SPIDR: variants seen among roughly 807,000 people sequenced by gnomAD.
SPIDR encodes DNA repair-scaffolding protein.
Under a neutral mutation model 104.6 loss-of-function variants are expected in SPIDR, and 93 were observed. The ratio of observed to expected loss-of-function variants is 0.89; its 90% CI spans 0.75 to 1.06. The LOEUF is 1.06. Among genes scored for constraint, SPIDR ranks in the 50% least tolerant of loss-of-function variants. The probability of loss-of-function intolerance (pLI) is 0.00; values close to 1 mark genes in which losing one functional copy is unlikely to be tolerated. For missense variants in SPIDR, 1,154 were observed against 1,111.2 expected, an observed-to-expected ratio of 1.04 and a Z score of -0.55; for synonymous variants, 431 against 416.9, an observed-to-expected ratio of 1.03 and a Z score of -0.41.
intron 16 of SPIDR, among the ~76,000 whole-genome samples, chr8:47,724,496 T>G (rs1278555808): frequency 6.6e-6 from 1 of 152,140 alleles, no homozygotes; most frequent in Non-Finnish European, 1.5e-5. Context: ...TCAGATTTGC[T>G]CTGTTCTGCT....
chr8:47,276,218 T>C (rs1487513253), intron 1 of SPIDR, among the ~76,000 whole-genome samples: 1 of 152,212 alleles, frequency 6.6e-6, no homozygotes, highest in East Asian at 1.9e-4. Flanking sequence ...TAGACACACA[T>C]GAATAATTTA....
chr8:47,625,021 T>G (rs1016768126), intron 10 of SPIDR, among the ~76,000 whole-genome samples: 2 of 152,096 alleles, frequency 1.3e-5, no homozygotes, highest in Non-Finnish European at 2.9e-5. Flanking sequence ...CAGCAGCACC[T>G]CAAAAAGCTT....
Position 47,449,011 on chromosome 8 carries a change from C to T in SPIDR, c.1097+8469C>T, listed in dbSNP as rs529225461. Among the ~76,000 whole-genome samples the T allele has an allele frequency of 5.3e-5, 8 of 151,948 alleles. No individual in the cohort carries two copies. The South Asian group carries it at 1.5e-3, about 28-fold the overall frequency. On this transcript the variant is annotated intron_variant, in intron 8 of 19. Transcript: ENST00000297423. ...GAGAGACATTATGATCTGATTCACC[C>T]TTTAAAGTCTGTGGAGGATGACTGG...
chr8:47,489,521 C>G (rs540694118), intron 8 of SPIDR, among the ~76,000 whole-genome samples: 1 of 152,218 alleles, frequency 6.6e-6, no homozygotes, highest in South Asian at 2.1e-4. Context: ...TCCTATGGAA[C>G]CAAAAAAGAG....
rs528167807 is a variant in SPIDR at position 47,510,469 on chromosome 8, AT to A, written c.1097+69936del. 3.4e-4 allele frequency among the ~76,000 whole-genome samples: 52 copies of A among 150,986 alleles called. No individual in the cohort carries two copies. The Middle Eastern group carries it at 0.01, about 30-fold the overall frequency. ...CATAAAAAAATTATGTGCATAAAGCATTTTTTTTTGCAATAGAACTCTTCTC... is the reference window on the plus strand; with the variant it reads ...CATAAAAAAATTATGTGCATAAAGCATTTTTTTTGCAATAGAACTCTTCTC... On this transcript the variant is annotated intron_variant, in intron 8 of 19. Transcript: ENST00000297423.
intron 10 of SPIDR, among the ~76,000 whole-genome samples, chr8:47,645,485 T>C (rs759689389): frequency 9.9e-5 from 15 of 152,038 alleles, no homozygotes; most frequent in Non-Finnish European, 2.1e-4. Context: ...TCAAATTGGA[T>C]ATGCGCTTAC....
intron 5 of SPIDR, among the ~76,000 whole-genome samples, chr8:47,314,257 A>G (rs1289341828): frequency 1.3e-5 from 2 of 152,224 alleles, no homozygotes; most frequent in Non-Finnish European, 2.9e-5. Flanking sequence ...AAAGAAAAAA[A>G]TGCAAAGAGG....
chr8:47,515,772 CTG>C (rs777784185), intron 8 of SPIDR, among the ~76,000 whole-genome samples: 162 of 152,318 alleles, frequency 1.1e-3, no homozygotes, highest in Middle Eastern at 6.8e-3. Flanking sequence ...TACATTTCCT[CTG>C]TAAGCTTTTG....
intron 16 of SPIDR, among the ~76,000 whole-genome samples, chr8:47,722,955 C>A (rs1183080430): frequency 6.6e-6 from 1 of 152,162 alleles, no homozygotes; most frequent in Non-Finnish European, 1.5e-5. Context: ...ACTCCCACGT[C>A]AGCCTCCCGA....
intron 5 of SPIDR, among the ~76,000 whole-genome samples, chr8:47,315,041 C>T (rs34506397): frequency 0.19 from 29,077 of 151,880 alleles, 3,230 homozygotes; most frequent in South Asian, 0.42. Flanking sequence ...TAAAGAAGGG[C>T]ATTTCATAGT....
rs367864171 is a variant in SPIDR at position 47,461,405 on chromosome 8, G to A, written c.1097+20863G>A. Among the ~76,000 whole-genome samples, 63 of 152,070 alleles carry A rather than the reference G, an allele frequency of 4.1e-4. 1 individual carries two copies. Among genetic ancestry groups the A allele is most frequent in the Middle Eastern group, 3.4e-3 (1 of 294 alleles). ...AGTGGCACAATCTCGGCTCACTCCC[G>A]GATTCAAGCGATTCTCCTGCCTCAG... is the stretch of plus-strand genomic sequence containing the variant. On this transcript the variant is annotated intron_variant, in intron 8 of 19. Transcript: ENST00000297423.
At chr8:47,269,237 A>G (rs1243015242) in intron 1 of SPIDR, among the ~76,000 whole-genome samples, 1 of 141,686 alleles carries the variant, frequency 7.1e-6, no homozygotes, top group Non-Finnish European at 1.5e-5. Flanking sequence ...ACTGCACTCC[A>G]GCCTGGGCAA....
intron 10 of SPIDR, among the ~76,000 whole-genome samples, chr8:47,658,808 C>T (rs1355871302): frequency 1.3e-5 from 2 of 151,022 alleles, no homozygotes; most frequent in African/African-American, 2.4e-5. Context: ...TGGTGGCAGG[C>T]ACCTGTAATC....
At chr8:47,300,120 A>C (rs973758231) in intron 5 of SPIDR, among the ~76,000 whole-genome samples, 2 of 152,138 alleles carry the variant, frequency 1.3e-5, no homozygotes, top group African/African-American at 2.4e-5. Context: ...TTATTGCCTC[A>C]ATTTCAGAGC....
In SPIDR at chr8:47,553,858, T is replaced by C. The variant is rs184994560; in HGVS notation, c.1098-41953T>C. 2.9e-4 allele frequency among the ~76,000 whole-genome samples: 44 copies of C among 152,322 alleles called. 1 individual carries two copies. In the East Asian group the frequency reaches 5.2e-3, roughly 18 times the overall value. On this transcript the variant is annotated intron_variant, in intron 8 of 19. Transcript: ENST00000297423. ...TTTTAGAATTTTCAGCTATTCTGCT[T>C]TGGTTTCTCCCCATCTTTGTGGTTT...
At chr8:47,486,529 A>C (rs370186316) in intron 8 of SPIDR, among the ~76,000 whole-genome samples, 1 of 152,108 alleles carries the variant, frequency 6.6e-6, no homozygotes, top group African/African-American at 2.4e-5. Context: ...GAGAAGAGCA[A>C]CTCCAAGACA....
chr8:47,310,166 C>A (rs1456284131), intron 5 of SPIDR, among the ~76,000 whole-genome samples: 3 of 150,352 alleles, frequency 2.0e-5, no homozygotes, highest in African/African-American at 7.4e-5. Flanking sequence ...AACCCCGTCT[C>A]TACTAAAAAT....
chr8:47,583,293 G>A (rs1334801486), intron 8 of SPIDR, among the ~76,000 whole-genome samples: 4 of 127,998 alleles, frequency 3.1e-5, no homozygotes, highest in Admixed American at 2.8e-4. Flanking sequence ...GTGACAGAGC[G>A]AGACTCCATC....
intron 10 of SPIDR, among the ~76,000 whole-genome samples, chr8:47,627,221 C>G (rs2066294992): frequency 6.6e-6 from 1 of 152,068 alleles, no homozygotes. Flanking sequence ...GGGAAGATCA[C>G]ACTCTGGGGA....
Sources: gnomAD v4.1 joint callset for allele counts (sites outside exome capture counted in the v4.1 genomes callset) on GRCh38, gnomAD v4.1.1 for gene constraint, MANE v1.5 for transcripts, NCBI Gene and HGNC (gene_info 2026-07-23, HGNC 2026-07-21) for gene names.